CNBP: variants seen among roughly 807,000 people sequenced by gnomAD.
CNBP encodes CCHC-type zinc finger nucleic acid binding protein, also known as cellular nucleic acid-binding protein.
A neutral mutation model predicts 21.2 loss-of-function variants in CNBP; 6 were observed. The ratio of observed to expected loss-of-function variants is 0.28; its 90% CI spans 0.16 to 0.56. The LOEUF is 0.56. Among genes scored for constraint, CNBP ranks in the 20% least tolerant of loss-of-function variants. The pLI is 0.93. For missense variants in CNBP, 112 were observed against 233.1 expected, an observed-to-expected ratio of 0.48 and a Z score of 3.38; for synonymous variants, 61 against 74.9, an observed-to-expected ratio of 0.81 and a Z score of 0.96.
rs1358447565 is a variant in CNBP, at chr3:129,168,903, T to C, written c.*1550A>G. ...CGAGGTCAGGAGATTGAGACCATCC[T>C]GGCTAACACCGTGAAACCCCGTCTT... On this transcript the variant is annotated 3_prime_UTR_variant, in exon 5 of 5. Transcript: ENST00000422453. Among the ~76,000 whole-genome samples, 5 of 150,386 alleles carry C rather than the reference T, an allele frequency of 3.3e-5. No homozygotes were observed. In the East Asian group the frequency reaches 9.9e-4, roughly 30 times the overall value.
At chr3:129,171,920 C>T (rs1937576930) in intron 1 of CNBP, 149 bp from the exon 2 acceptor site, 3 of 873,994 alleles carry the variant, frequency 3.4e-6, no homozygotes, top group African/African-American at 1.7e-5. Flanking sequence ...TGGCTCACGC[C>T]AGTAATCCCA....
chr3:129,181,178 T>C (rs1938260176), intron 1 of CNBP, among the ~76,000 whole-genome samples: 1 of 127,564 alleles, frequency 7.8e-6, no homozygotes, highest in Non-Finnish European at 1.6e-5. Context: ...AGATGGAGGC[T>C]GCTGTGAGCC....
In CNBP at chr3:129,181,649, C is replaced by CAAAAAAA. The variant is rs1367375702; in HGVS notation, c.-15+2126_-15+2127insTTTTTTT. ...TGGGCGACAGAGTGAGACTCCGTCT[C>CAAAAAAA]AGAAAAAAAAAAAGAAAAACCCCTG... is the stretch of plus-strand genomic sequence containing the variant. On this transcript the variant is annotated intron_variant, in intron 1 of 4. Coordinates refer to ENST00000422453, the MANE Select transcript of CNBP (RefSeq NM_003418.5). Among the ~76,000 whole-genome samples, 72 of 72,168 alleles carry CAAAAAAA rather than the reference C, an allele frequency of 1.0e-3. 18 individuals are homozygous for CAAAAAAA. The highest frequency in any genetic ancestry group is 0.029 in the Middle Eastern group (2 of 68). 47.3% of individuals were successfully genotyped at this position (72,168 alleles called of 152,430 possible). A position where few individuals can be genotyped will look rare whatever the true frequency, so the allele number is the denominator to read the frequency against.
intron 1 of CNBP, among the ~76,000 whole-genome samples, chr3:129,175,919 T>C (rs1400002786): frequency 1.3e-5 from 2 of 152,200 alleles, no homozygotes; most frequent in African/African-American, 2.4e-5. Flanking sequence ...CTCCTCCCTT[T>C]GGCTAACCCT....
chr3:129,167,935 T>C lies in CNBP; in HGVS notation c.*2518A>G, dbSNP rs918117018. 2.6e-5 allele frequency among the ~76,000 whole-genome samples: 4 copies of C among 152,224 alleles called. No homozygotes were observed. The highest frequency in any genetic ancestry group is 7.2e-5 in the African/African-American group (3 of 41,454). Reference sequence around the variant, plus strand: ...GCTTATATTCATAAAGAAATGGGTATGTTATTACCTCTTTTTCTTGCTTGC... The same window carrying C: ...GCTTATATTCATAAAGAAATGGGTACGTTATTACCTCTTTTTCTTGCTTGC... On this transcript the variant is annotated 3_prime_UTR_variant, in exon 5 of 5. Coordinates refer to ENST00000422453, the MANE Select transcript of CNBP (RefSeq NM_003418.5).
rs942967623 is a variant in CNBP at position 129,170,114 on chromosome 3, T to G, written c.*339A>C. On this transcript the variant is annotated 3_prime_UTR_variant, in exon 5 of 5. Transcript: ENST00000422453. Reference sequence around the variant, plus strand: ...GTTCATAGACACTTCCAGAATTGGTTTTACCTCCTACATGGGAACATGTTC... The same window carrying G: ...GTTCATAGACACTTCCAGAATTGGTGTTACCTCCTACATGGGAACATGTTC... 1.0e-5 allele frequency: 3 copies of G among 296,954 alleles called. No individual in the cohort carries two copies. The highest frequency in any genetic ancestry group is 2.0e-3 in the Middle Eastern group (2 of 1,018). 18.4% of individuals were successfully genotyped at this position (296,954 alleles called of 1,614,324 possible). A position where few individuals can be genotyped will look rare whatever the true frequency, so the allele number is the denominator to read the frequency against.
chr3:129,180,728 T>C (rs185850979), intron 1 of CNBP, among the ~76,000 whole-genome samples: 6 of 151,622 alleles, frequency 4.0e-5, no homozygotes, highest in Admixed American at 1.3e-4. Flanking sequence ...CTCTACTTAC[T>C]GTCAGGAGGC....
At chr3:129,173,352 T>C (rs1937669276) in intron 1 of CNBP, among the ~76,000 whole-genome samples, 1 of 152,196 alleles carries the variant, frequency 6.6e-6, no homozygotes, top group Non-Finnish European at 1.5e-5. Context: ...TTGAGGGAGT[T>C]TGTGGAACCA....
At chr3:129,183,112 G>A (rs1339829858) in intron 1 of CNBP, among the ~76,000 whole-genome samples, 1 of 151,986 alleles carries the variant, frequency 6.6e-6, no homozygotes, top group African/African-American at 2.4e-5. Context: ...CACCATGCCC[G>A]GCTAATTTTT....
chr3:129,173,129 A>G (rs879711785), intron 1 of CNBP, among the ~76,000 whole-genome samples: 2 of 152,228 alleles, frequency 1.3e-5, no homozygotes, highest in Non-Finnish European at 2.9e-5. Context: ...ATTCAGTGGA[A>G]AAGTTGCATC....
intron 1 of CNBP, among the ~76,000 whole-genome samples, chr3:129,181,292 G>GT (rs1394737126): frequency 1.1e-4 from 15 of 134,838 alleles, no homozygotes. Context: ...CATAAATCAT[G>GT]TAACAAAACA....
chr3:129,181,659 A>AAAAAAAAAAAAAAAAG (rs1419234861), intron 1 of CNBP, among the ~76,000 whole-genome samples: 4 of 149,450 alleles, frequency 2.7e-5, no homozygotes, highest in Non-Finnish European at 4.5e-5. Context: ...CAGAAAAAAA[A>AAAAAAAAAAAAAAAAG]AAAGAAAAAC....
At chr3:129,172,320 G>C (rs1297791280) in intron 1 of CNBP, among the ~76,000 whole-genome samples, 1 of 152,138 alleles carries the variant, frequency 6.6e-6, no homozygotes, top group African/African-American at 2.4e-5. Flanking sequence ...GGTGGCTCAT[G>C]CCTGTAATCC....
At chr3:129,173,807 G>C (rs949065294) in intron 1 of CNBP, among the ~76,000 whole-genome samples, 1 of 152,092 alleles carries the variant, frequency 6.6e-6, no homozygotes, top group Non-Finnish European at 1.5e-5. Context: ...CCTAAGCACA[G>C]GCACCATCAT....
At chr3:129,178,433 ACT>A (rs1311287130) in intron 1 of CNBP, among the ~76,000 whole-genome samples, 2 of 152,146 alleles carry the variant, frequency 1.3e-5, no homozygotes, top group African/African-American at 4.8e-5. Context: ...AATGTTCATA[ACT>A]CTGTCCTAGA....
At chr3:129,183,658 G>A (rs892923287) in intron 1 of CNBP, 118 bp downstream of exon 1, 7 of 152,710 alleles carry the variant, frequency 4.6e-5, no homozygotes, top group Middle Eastern at 3.4e-3. Context: ...ACGCAGCAGA[G>A]GCGCAGGCCA....
intron 1 of CNBP, among the ~76,000 whole-genome samples, chr3:129,178,327 C>A (rs1415921243): frequency 6.6e-6 from 1 of 152,122 alleles, no homozygotes; most frequent in Non-Finnish European, 1.5e-5. Flanking sequence ...AATGTCAGTA[C>A]TTGTACCATA....
chr3:129,177,122 T>A (rs1937955312), intron 1 of CNBP, among the ~76,000 whole-genome samples: 1 of 152,180 alleles, frequency 6.6e-6, no homozygotes, highest in African/African-American at 2.4e-5. Flanking sequence ...GCTACAAACA[T>A]ACATGCTAAC....
intron 1 of CNBP, among the ~76,000 whole-genome samples, chr3:129,182,860 G>A (rs751200583): frequency 8.5e-5 from 13 of 152,192 alleles, no homozygotes; most frequent in Non-Finnish European, 1.8e-4. Context: ...AGGATAGGGA[G>A]TATAAACTCT....
Sources: allele counts gnomAD v4.1 joint callset (sites outside exome capture counted in the v4.1 genomes callset), GRCh38; gene constraint gnomAD v4.1.1; transcripts MANE v1.5; gene names NCBI Gene and HGNC (gene_info 2026-07-23, HGNC 2026-07-21).